PIK3C2G: variants seen among roughly 807,000 people sequenced by gnomAD.
The protein encoded by PIK3C2G is phosphatidylinositol-4-phosphate 3-kinase catalytic subunit type 2 gamma, also known as phosphatidylinositol 3-kinase C2 domain-containing subunit gamma.
PIK3C2G carries 168 observed loss-of-function variants against 181.1 expected under a neutral mutation model. The ratio of observed to expected loss-of-function variants is 0.93; its 90% confidence interval spans 0.82 to 1.05. PIK3C2G has a LOEUF of 1.05. Among genes scored for constraint, PIK3C2G ranks in the 50% least tolerant of loss-of-function variants. The pLI is 0.00. For missense variants in PIK3C2G, 1,869 were observed against 1,732.8 expected (o/e 1.08, Z -1.40); for synonymous variants, 573 against 592.2 (o/e 0.97, Z 0.47).
chr12:18,571,384 G>A (rs1259140082), intron 29 of PIK3C2G, among the ~76,000 whole-genome samples: 1 of 150,626 alleles, frequency 6.6e-6, no homozygotes, highest in Non-Finnish European at 1.5e-5. Flanking sequence ...TTCTACACGT[G>A]TATATTAGTG....
At chr12:18,661,764 T>G in the PIK3C2G span, among the ~76,000 whole-genome samples, 1 of 152,052 alleles carries the variant, frequency 6.6e-6, no homozygotes, top group Non-Finnish European at 1.5e-5. Context: ...AGAACTACCA[T>G]TGACCCAGCA....
chr12:18,286,960 AT>A, intron 3 of PIK3C2G, 31 bp downstream of exon 3: 1 of 1,176,954 alleles, frequency 8.5e-7, no homozygotes, highest in Admixed American at 2.5e-5. Flanking sequence ...AAACTTTGAA[AT>A]TTTTGTGCCT....
intron 18 of PIK3C2G, among the ~76,000 whole-genome samples, chr12:18,457,009 C>A (rs889336883): frequency 6.6e-5 from 10 of 151,722 alleles, no homozygotes; most frequent in African/African-American, 2.4e-4. Context: ...GATCTTGAAA[C>A]CATCAAAAAA....
At chr12:18,586,610 G>T (rs1340886784) in intron 29 of PIK3C2G, among the ~76,000 whole-genome samples, 1 of 152,058 alleles carries the variant, frequency 6.6e-6, no homozygotes, top group Non-Finnish European at 1.5e-5. Context: ...CCCAGGATCA[G>T]AAAGATTCAT....
the PIK3C2G span, among the ~76,000 whole-genome samples, chr12:18,683,865 CAG>C: frequency 6.6e-6 from 1 of 151,910 alleles, no homozygotes; most frequent in Admixed American, 6.6e-5. Context: ...TTTACTGAAA[CAG>C]AAGAACTAGG....
At chr12:18,272,635 C>A (rs936152867) in intron 1 of PIK3C2G, among the ~76,000 whole-genome samples, 1 of 152,274 alleles carries the variant, frequency 6.6e-6, no homozygotes, top group East Asian at 1.9e-4. Flanking sequence ...ATTAACCCTG[C>A]ATTGTACAAA....
At chr12:18,249,175 T>C (rs1420854271) in intron 1 of PIK3C2G, among the ~76,000 whole-genome samples, 1 of 152,174 alleles carries the variant, frequency 6.6e-6, no homozygotes, top group Non-Finnish European at 1.5e-5. Flanking sequence ...CAAGAAAAGA[T>C]GTTTCTAAGG....
rs749566642 is a variant in PIK3C2G at position 18,640,421 on chromosome 12, C to T, written c.4183-8C>T. On this transcript the variant is annotated splice_region_variant and splice_polypyrimidine_tract_variant and intron_variant, in intron 31 of 32. Transcript: ENST00000538779. ...TGCATTAATATTTATAACCATTTTC[C>T]TTTGCAGCATCTCCCAGATGGCTCT... 2.5e-6 allele frequency: 4 copies of T among 1,605,330 alleles called. No individual in the cohort carries two copies. Among genetic ancestry groups the T allele is most frequent in the Admixed American group, 3.4e-5 (2 of 59,062 alleles).
At chr12:18,520,235 C>T (rs1378977586) in intron 24 of PIK3C2G, among the ~76,000 whole-genome samples, 2 of 151,962 alleles carry the variant, frequency 1.3e-5, no homozygotes, top group Non-Finnish European at 1.5e-5. Flanking sequence ...GTGGTGTCCT[C>T]TGAATTTCCT....
At chr12:18,679,798 G>A in the PIK3C2G span, among the ~76,000 whole-genome samples, 1 of 151,892 alleles carries the variant, frequency 6.6e-6, no homozygotes, top group Non-Finnish European at 1.5e-5. Context: ...GTAGAAAAAG[G>A]GCACTTATCC....
intron 6 of PIK3C2G, among the ~76,000 whole-genome samples, chr12:18,319,012 G>A (rs543111543): frequency 4.3e-4 from 65 of 150,064 alleles, no homozygotes; most frequent in African/African-American, 1.5e-3. Flanking sequence ...TTGAACCCGG[G>A]AGGTGGAGGT....
At chr12:18,450,018 T>C (rs945963208) in intron 18 of PIK3C2G, among the ~76,000 whole-genome samples, 8 of 152,250 alleles carry the variant, frequency 5.3e-5, no homozygotes, top group African/African-American at 1.9e-4. Context: ...TTGATTTGCA[T>C]TTCTCTAATA....
chr12:18,264,245 T>C (rs1486670400), intron 1 of PIK3C2G, among the ~76,000 whole-genome samples: 1 of 152,192 alleles, frequency 6.6e-6, no homozygotes, highest in Non-Finnish European at 1.5e-5. Flanking sequence ...AGTATTATAG[T>C]CTAGTATTTC....
intron 7 of PIK3C2G, among the ~76,000 whole-genome samples, chr12:18,324,230 A>C (rs59624084): frequency 0.046 from 6,939 of 151,806 alleles, 352 homozygotes; most frequent in African/African-American, 0.12. Context: ...AAAAAAAAAA[A>C]CCACTGCCAT....
upstream of PIK3C2G, among the ~76,000 whole-genome samples, chr12:18,260,405 A>G (rs1948203022): frequency 6.6e-6 from 1 of 152,094 alleles, no homozygotes; most frequent in South Asian, 2.1e-4. Context: ...GGTTATTATT[A>G]AAATATAAAG....
At chr12:18,687,148 T>C in the PIK3C2G span, among the ~76,000 whole-genome samples, 2 of 152,124 alleles carry the variant, frequency 1.3e-5, no homozygotes, top group African/African-American at 2.4e-5. Flanking sequence ...ATTGATAACA[T>C]AGGATAAGGC....
intron 31 of PIK3C2G, among the ~76,000 whole-genome samples, chr12:18,620,402 A>G (rs1354518761): frequency 6.6e-6 from 1 of 152,108 alleles, no homozygotes; most frequent in East Asian, 1.9e-4. Flanking sequence ...TAGATAATTC[A>G]GCTTTCTTTT....
At chr12:18,536,803 C>A (rs1007214832) in intron 24 of PIK3C2G, among the ~76,000 whole-genome samples, 1 of 151,824 alleles carries the variant, frequency 6.6e-6, no homozygotes, top group African/African-American at 2.4e-5. Context: ...TCAATGAAGG[C>A]CAAATAAAAA....
At chr12:18,397,047 T>A (rs1943934633) in intron 15 of PIK3C2G, among the ~76,000 whole-genome samples, 1 of 151,874 alleles carries the variant, frequency 6.6e-6, no homozygotes, top group African/African-American at 2.4e-5. Context: ...ATTAAGATAA[T>A]GTGATATTGC....
Sources: gnomAD v4.1 joint callset for allele counts (sites outside exome capture counted in the v4.1 genomes callset) on GRCh38, gnomAD v4.1.1 for gene constraint, MANE v1.5 for transcripts, NCBI Gene and HGNC (gene_info 2026-07-23, HGNC 2026-07-21) for gene names.